GNB1L: variants seen among roughly 807,000 people sequenced by gnomAD.
GNB1L encodes the protein G protein subunit beta 1 like.
Under a neutral mutation model 29.1 loss-of-function variants are expected in GNB1L, and 20 were observed. The observed-to-expected ratio is 0.69, with a 90% CI of 0.48 to 1.00. The LOEUF is 1.00. Ranked by LOEUF, GNB1L falls within the 50% of genes least tolerant of loss-of-function variation. The pLI, the probability that GNB1L is intolerant of heterozygous loss-of-function variation, is 0.00. For synonymous variants in GNB1L, 193 were observed against 206.5 expected, an observed-to-expected ratio of 0.93 and a Z score of 0.56; for missense variants, 421 against 464.9, an observed-to-expected ratio of 0.91 and a Z score of 0.87.
chr22:19,788,835 C>T lies in GNB1L; in HGVS notation c.858G>A (p.Gln286=), dbSNP rs1278251550. 1 of 1,612,538 alleles carries T rather than the reference C, an allele frequency of 6.2e-7. No homozygotes were observed. The highest frequency in any genetic ancestry group is 1.1e-5 in the South Asian group (1 of 91,060). ...TGTGGAAGGCCAGCACGGCCAGTGGCTGCATCGTCCGCCAGTGGAACACGC... is the reference window on the plus strand; with the variant it reads ...TGTGGAAGGCCAGCACGGCCAGTGGTTGCATCGTCCGCCAGTGGAACACGC... ...RIRVFHWRTM[Q]PLAVLAFHSA... The change falls in exon 8 of 8, where the codon CAG becomes CAA. Residue 286 remains glutamine (Q), a synonymous_variant. Transcript: ENST00000329517.
chr22:19,786,301 G>A lies in GNB1L; in HGVS notation c.*2408C>T, dbSNP rs1276678450. On this transcript the variant is annotated 3_prime_UTR_variant, in exon 8 of 8. Coordinates refer to ENST00000329517, the MANE Select transcript of GNB1L (RefSeq NM_053004.3). ...ACACTGCTCAACGCCACATGGCCTG[G>A]GGCAGGGAGCTCAAGGCCAGGCTAG... The A allele has an allele frequency of 6.6e-6, 1 of 152,326 alleles. No individual in the cohort carries two copies. The highest frequency in any genetic ancestry group is 1.5e-5 in the Non-Finnish European group (1 of 68,112). The allele number at this position is 152,326 out of a possible 1,614,324, so 9.4% of individuals were successfully genotyped here. A position where few individuals can be genotyped will look rare whatever the true frequency, so the allele number is the denominator to read the frequency against.
chr22:19,822,375 C>T (rs796510841), intron 2 of GNB1L, among the ~76,000 whole-genome samples: 15 of 152,308 alleles, frequency 9.8e-5, no homozygotes, highest in African/African-American at 3.6e-4. Flanking sequence ...CACCACCCAC[C>T]CAGAGAGGCT....
In GNB1L at chr22:19,820,522, G is replaced by A. The variant is rs1243855602; in HGVS notation, c.254+76C>T. Reference sequence around the variant, plus strand: ...CCACCCCATTCTGCCCCTCAGTGGGGGACACCAGAGCCTCCATCAGAGAGT... The same window carrying A: ...CCACCCCATTCTGCCCCTCAGTGGGAGACACCAGAGCCTCCATCAGAGAGT... On this transcript the variant is annotated intron_variant, in intron 4 of 7. Transcript: ENST00000329517. 2.0e-6 allele frequency: 3 copies of A among 1,486,080 alleles called. No homozygotes were observed. In the African/African-American group the frequency reaches 4.2e-5, roughly 21 times the overall value. The allele number at this position is 1,486,080 out of a possible 1,614,324, so 92.1% of individuals were successfully genotyped here.
At chr22:19,830,574 T>C (rs1185542951) in intron 2 of GNB1L, among the ~76,000 whole-genome samples, 1 of 152,204 alleles carries the variant, frequency 6.6e-6, no homozygotes, top group African/African-American at 2.4e-5. Context: ...CCTTTGTTCT[T>C]GGTTAAGACA....
At position 19,816,702 on chromosome 22, in the gene GNB1L, T is replaced by TCA. The variant is rs1937526944; in HGVS notation, c.254+3894_254+3895dup. 1.3e-5 allele frequency among the ~76,000 whole-genome samples: 2 copies of TCA among 151,906 alleles called. No homozygotes were observed. Among genetic ancestry groups the TCA allele is most frequent in the African/African-American group, 4.8e-5 (2 of 41,348 alleles). ...CATACACAACTTACATACACAAACC[T>TCA]CACACACACAACACACAGGTTCTTT... On this transcript the variant is annotated intron_variant, in intron 4 of 7. Transcript: ENST00000329517. This position sits in a 1 kb window ranked among gnomAD's most constrained non-coding sequence, Gnocchi z 4.4.
At position 19,851,653 on chromosome 22, in the gene GNB1L, C is replaced by T. The variant is rs1201927482; in HGVS notation, c.-21+2790G>A. ...CCACAGGCAGCTGAGGGGCCACTGG[C>T]AGCTGGCTGGAGGCCAGGGGCAGGG... is the stretch of plus-strand genomic sequence containing the variant. On this transcript the variant is annotated intron_variant, in intron 2 of 7. Transcript: ENST00000329517. 13 of 1,594,278 alleles carry T rather than the reference C, an allele frequency of 8.2e-6. 1 individual carries two copies. The highest frequency in any genetic ancestry group is 4.5e-5 in the South Asian group (4 of 88,600).
chr22:19,822,397 TGCCGA>T (rs1327583406), intron 2 of GNB1L, among the ~76,000 whole-genome samples: 2 of 152,250 alleles, frequency 1.3e-5, no homozygotes, highest in South Asian at 2.1e-4. Context: ...CCCGGGTCCG[TGCCGA>T]GCCCTTCCAA....
chr22:19,815,469 T>C (rs1224613866), intron 4 of GNB1L, among the ~76,000 whole-genome samples: 2 of 152,216 alleles, frequency 1.3e-5, no homozygotes, highest in East Asian at 3.9e-4. Context: ...GTCCTCAGCA[T>C]GGGGAGGGGC....
Position 19,784,039 on chromosome 22 carries a change from GC to G in GNB1L, c.*4669del, listed in dbSNP as rs1425254794. ...CACCTAGGACCACAGGGCTGGTGGG[GC>G]TGGCAGCTTGGTAGAGGGCAGGTGC... On this transcript the variant is annotated 3_prime_UTR_variant, in exon 8 of 8. Coordinates refer to ENST00000329517, the MANE Select transcript of GNB1L (RefSeq NM_053004.3). 1 of 152,326 alleles carries G rather than the reference GC, an allele frequency of 6.6e-6. No individual in the cohort carries two copies. Among genetic ancestry groups the G allele is most frequent in the African/African-American group, 2.4e-5 (1 of 41,468 alleles). The allele number at this position is 152,326 out of a possible 1,614,324, so 9.4% of individuals were successfully genotyped here.
chr22:19,816,391 C>T lies in GNB1L; in HGVS notation c.255-3944G>A, dbSNP rs1414651638. On this transcript the variant is annotated intron_variant, in intron 4 of 7. Transcript: ENST00000329517. This position sits in a 1 kb window ranked among gnomAD's most constrained non-coding sequence, Gnocchi z 4.4. ...TGGCCCAGGCTAATGGGAGTCCCTG[C>T]AGGCTGGCTCAGAATCCTCTGACGT... Among the ~76,000 whole-genome samples, 2 of 152,214 alleles carry T rather than the reference C, an allele frequency of 1.3e-5. No individual in the cohort carries two copies. The highest frequency in any genetic ancestry group is 3.9e-4 in the East Asian group (2 of 5,194).
At chr22:19,850,742 A>G (rs1044431441) in intron 2 of GNB1L, 15 of 1,241,230 alleles carry the variant, frequency 1.2e-5, no homozygotes, top group Non-Finnish European at 1.5e-5. Context: ...CCCATACAGG[A>G]ACGAGGTCCC....
chr22:19,810,983 C>T (rs957572255), intron 5 of GNB1L, among the ~76,000 whole-genome samples: 3 of 152,186 alleles, frequency 2.0e-5, no homozygotes, highest in Non-Finnish European at 2.9e-5. Flanking sequence ...GTGGCCGAGA[C>T]CAGCGCATGG....
intron 5 of GNB1L, 139 bp downstream of exon 5, chr22:19,812,146 C>G (rs1411109795): frequency 1.9e-5 from 16 of 861,388 alleles, no homozygotes; most frequent in Non-Finnish European, 2.6e-5. Flanking sequence ...GGCTGTGCAT[C>G]AGCCCCGGCT....
intron 7 of GNB1L, among the ~76,000 whole-genome samples, chr22:19,795,187 AGG>A (rs1937292708): frequency 6.6e-6 from 1 of 152,164 alleles, no homozygotes; most frequent in East Asian, 1.9e-4. Context: ...GCTGAGAAAA[AGG>A]CTCTGCACCA....
intron 2 of GNB1L, among the ~76,000 whole-genome samples, chr22:19,828,081 A>G (rs1937633953): frequency 6.6e-6 from 1 of 152,258 alleles, no homozygotes; most frequent in East Asian, 1.9e-4. Context: ...GAAGACACAG[A>G]CAGAAATAAA....
chr22:19,827,962 T>C (rs1330551380), intron 2 of GNB1L, among the ~76,000 whole-genome samples: 7 of 152,174 alleles, frequency 4.6e-5, no homozygotes, highest in Admixed American at 4.6e-4. Context: ...ATTGGGTAAA[T>C]TCGTACGATA....
At chr22:19,838,980 G>A (rs1052042041) in intron 2 of GNB1L, among the ~76,000 whole-genome samples, 1 of 152,206 alleles carries the variant, frequency 6.6e-6, no homozygotes, top group African/African-American at 2.4e-5. Context: ...ATACTATTCT[G>A]CAACAGAAAG....
At chr22:19,815,017 C>T (rs1171127048) in intron 4 of GNB1L, among the ~76,000 whole-genome samples, 1 of 144,604 alleles carries the variant, frequency 6.9e-6, no homozygotes, top group Non-Finnish European at 1.5e-5. Context: ...GCCTTGGTGA[C>T]AAAGCAAGAC....
Position 19,802,200 on chromosome 22 carries a change from C to T in GNB1L, c.533G>A (p.Arg178His), listed in dbSNP as rs201224032. Residue 178 changes from arginine (R) to histidine (H), a missense_variant, in exon 7 of 8, where the codon CGC becomes CAC. By Grantham distance (29) the Arg-to-His change is conservative. Transcript: ENST00000329517. ...LRLWQADCSS[R>H]PLLLAGYEDG... is the part of the protein sequence containing the mutation. ...CTCATAGCCGGCCAGAAGGAGTGGG[C>T]GGGAGCTGCAGTCGGCCTGCGGGGA... 55 of 1,612,680 alleles carry T rather than the reference C, an allele frequency of 3.4e-5. 1 individual carries two copies. The Middle Eastern group carries it at 6.6e-4, about 19-fold the overall frequency.
Sources: gnomAD v4.1 joint callset for allele counts (sites outside exome capture counted in the v4.1 genomes callset) on GRCh38, gnomAD v4.1.1 for gene constraint, Gnocchi (gnomAD v3.1) non-coding constraint, MANE v1.5 for transcripts, NCBI Gene and HGNC (gene_info 2026-07-23, HGNC 2026-07-21) for gene names.